The following PALLD variants were observed in gnomAD, a reference collection of about 807,000 sequenced individuals.
The protein encoded by PALLD is palladin.
PALLD carries 61 observed loss-of-function variants against 123.5 expected under a neutral mutation model. That is an observed-to-expected ratio of 0.49 (90% CI 0.40 to 0.61). The LOEUF is 0.61. Ranked by LOEUF, PALLD falls within the 20% of genes least tolerant of loss-of-function variation. PALLD has a pLI of 0.00. For missense variants in PALLD, 1,273 were observed against 1,377.0 expected (o/e 0.92, Z 1.20); for synonymous variants, 465 against 496.4 (o/e 0.94, Z 0.84).
In PALLD at chr4:168,633,812, A is replaced by G. The variant is rs536473455; in HGVS notation, c.909-34378A>G. Among the ~76,000 whole-genome samples the G allele has an allele frequency of 2.2e-4, 33 of 152,086 alleles. 1 individual carries two copies. Among genetic ancestry groups the G allele is most frequent in the Non-Finnish European group, 1.3e-4 (9 of 68,012 alleles). On this transcript the variant is annotated intron_variant, in intron 2 of 21. Coordinates refer to ENST00000505667, the MANE Select transcript of PALLD (RefSeq NM_001166108.2). Reference sequence around the variant, plus strand: ...GTAAAATAGCATTTTTATTTGGACAATTTTTTTCCATCAAGCTTTAATCAT... The same window carrying G: ...GTAAAATAGCATTTTTATTTGGACAGTTTTTTTCCATCAAGCTTTAATCAT...
chr4:168,842,670 G>C (rs946881936), intron 10 of PALLD, among the ~76,000 whole-genome samples: 1 of 152,168 alleles, frequency 6.6e-6, no homozygotes, highest in African/African-American at 2.4e-5. Context: ...TAGAGGAGAG[G>C]AGTGCTACTT....
intron 2 of PALLD, among the ~76,000 whole-genome samples, chr4:168,631,341 T>C (rs1775778488): frequency 6.6e-6 from 1 of 152,238 alleles, no homozygotes; most frequent in South Asian, 2.1e-4. Flanking sequence ...CAACGTTTCC[T>C]AAATGAACAG....
chr4:168,859,678 C>A (rs1749147559), intron 10 of PALLD, among the ~76,000 whole-genome samples: 1 of 152,128 alleles, frequency 6.6e-6, no homozygotes, highest in South Asian at 2.1e-4. Context: ...TTCAGTAGAG[C>A]ATCTGGCGAA....
chr4:168,550,107 G>A (rs1454907266), intron 2 of PALLD, among the ~76,000 whole-genome samples: 1 of 152,070 alleles, frequency 6.6e-6, no homozygotes, highest in African/African-American at 2.4e-5. Flanking sequence ...CTCTCTCAAT[G>A]CTCAGTGCCA....
At chr4:168,905,899 A>G (rs948809717) in intron 15 of PALLD, among the ~76,000 whole-genome samples, 1 of 149,958 alleles carries the variant, frequency 6.7e-6, no homozygotes, top group Non-Finnish European at 1.5e-5. Context: ...TCCTGGGTTC[A>G]AGCAATTCTT....
At chr4:168,518,318 A>G (rs1763195916) in intron 2 of PALLD, among the ~76,000 whole-genome samples, 1 of 152,144 alleles carries the variant, frequency 6.6e-6, no homozygotes, top group Non-Finnish European at 1.5e-5. Flanking sequence ...TGCTTTCGTT[A>G]TTGTTCATCA....
chr4:168,668,410 A>T, intron 3 of PALLD, 42 bp downstream of exon 3: 1 of 1,491,714 alleles, frequency 6.7e-7, no homozygotes, highest in Non-Finnish European at 9.1e-7. Context: ...AGGGGTGTCA[A>T]TGGTCTAATG....
At chr4:168,760,146 G>C (rs186757023) in intron 10 of PALLD, among the ~76,000 whole-genome samples, 2 of 151,966 alleles carry the variant, frequency 1.3e-5, no homozygotes, top group Non-Finnish European at 2.9e-5. Flanking sequence ...TGTGTTTGAC[G>C]TGTCAGCCTC....
intron 2 of PALLD, among the ~76,000 whole-genome samples, chr4:168,637,824 A>G (rs766655434): frequency 2.0e-5 from 3 of 151,834 alleles, no homozygotes; most frequent in Non-Finnish European, 4.4e-5. Flanking sequence ...AGTACCGGTA[A>G]TCCCAGCTAC....
At chr4:168,588,985 T>C (rs1345455980) in intron 2 of PALLD, among the ~76,000 whole-genome samples, 3 of 152,212 alleles carry the variant, frequency 2.0e-5, no homozygotes, top group African/African-American at 4.8e-5. Context: ...TGAGTTTTTA[T>C]GTTTGGGTCA....
intron 2 of PALLD, among the ~76,000 whole-genome samples, chr4:168,574,452 G>T (rs988260108): frequency 5.3e-5 from 8 of 151,962 alleles, no homozygotes; most frequent in Non-Finnish European, 8.8e-5. Context: ...CCACTGTCAG[G>T]CCAGTTATAA....
At position 168,813,114 on chromosome 4, in the gene PALLD, C is replaced by A. The variant is rs535590861; in HGVS notation, c.1965-77808C>A. 2.9e-5 allele frequency among the ~76,000 whole-genome samples: 4 copies of A among 139,944 alleles called. No homozygotes were observed. The East Asian group carries it at 8.0e-4, about 28-fold the overall frequency. The allele number at this position is 139,944 out of a possible 152,430, so 91.8% of individuals were successfully genotyped here. A position where few individuals can be genotyped will look rare whatever the true frequency, so the allele number is the denominator to read the frequency against. ...TTGAAAAACGTACTTTTGGGGGGGG[C>A]GGAAATGAATTTGAATCTATTTTCT... On this transcript the variant is annotated intron_variant, in intron 10 of 21. Transcript: ENST00000505667.
chr4:168,784,213 G>C (rs1348587908), intron 10 of PALLD, among the ~76,000 whole-genome samples: 1 of 152,002 alleles, frequency 6.6e-6, no homozygotes, highest in Non-Finnish European at 1.5e-5. Context: ...TGTAAAAGTG[G>C]TCCCAGCCGC....
intron 2 of PALLD, among the ~76,000 whole-genome samples, chr4:168,628,402 G>C (rs966025553): frequency 6.6e-5 from 10 of 152,254 alleles, no homozygotes; most frequent in Admixed American, 5.9e-4. Flanking sequence ...CTGGTTTAGC[G>C]GGTCCTACAC....
At chr4:168,723,124 G>A (rs1786188591) in intron 10 of PALLD, among the ~76,000 whole-genome samples, 1 of 152,182 alleles carries the variant, frequency 6.6e-6, no homozygotes, top group Non-Finnish European at 1.5e-5. Flanking sequence ...AGTGGTCAGG[G>A]AACCATGAAG....
chr4:168,636,693 C>T (rs144924643), intron 2 of PALLD, among the ~76,000 whole-genome samples: 1 of 152,178 alleles, frequency 6.6e-6, no homozygotes, highest in Admixed American at 6.5e-5. Flanking sequence ...TAAGAAATCA[C>T]TTAGTCATAT....
intron 10 of PALLD, among the ~76,000 whole-genome samples, chr4:168,774,098 A>G (rs1734829605): frequency 6.7e-6 from 1 of 150,026 alleles, no homozygotes; most frequent in African/African-American, 2.5e-5. Context: ...TAAAAAAAAT[A>G]TATATATCCT....
chr4:168,560,708 T>C (rs1767779442), intron 2 of PALLD, among the ~76,000 whole-genome samples: 1 of 152,124 alleles, frequency 6.6e-6, no homozygotes, highest in Non-Finnish European at 1.5e-5. Flanking sequence ...TCAACCAACA[T>C]TTGAGTTCCT....
chr4:168,837,131 A>AG (rs551979964), intron 10 of PALLD, among the ~76,000 whole-genome samples: 428 of 152,132 alleles, frequency 2.8e-3, no homozygotes, highest in African/African-American at 9.7e-3. Context: ...AGCGATGGGG[A>AG]GGGGGGATCC....
Sources: gnomAD v4.1 joint callset for allele counts (sites outside exome capture counted in the v4.1 genomes callset) on GRCh38, gnomAD v4.1.1 for gene constraint, MANE v1.5 for transcripts, NCBI Gene and HGNC (gene_info 2026-07-23, HGNC 2026-07-21) for gene names.